Variants in NKAIN3 observed in about 807,000 individuals in gnomAD.
The protein encoded by NKAIN3 is sodium/potassium-transporting ATPase subunit beta-1-interacting protein 3.
Under a neutral mutation model 30.2 loss-of-function variants are expected in NKAIN3, and 25 were observed. The observed-to-expected ratio is 0.83, with a 90% CI of 0.60 to 1.16. The LOEUF (loss-of-function observed/expected upper bound fraction) is 1.16, where lower values mean the gene tolerates loss of function less well. Among genes scored for constraint, NKAIN3 ranks in the 50% most tolerant of loss-of-function variants. The pLI is 0.00. For missense variants in NKAIN3, 225 were observed against 254.1 expected, an observed-to-expected ratio of 0.89 and a Z score of 0.78; for synonymous variants, 91 against 89.6, an observed-to-expected ratio of 1.02 and a Z score of -0.09.
At chr8:62,529,154 A>G (rs945209959) in intron 1 of NKAIN3, among the ~76,000 whole-genome samples, 6 of 152,154 alleles carry the variant, frequency 3.9e-5, no homozygotes, top group African/African-American at 2.4e-5. Flanking sequence ...TCCTCTTCCC[A>G]TAATTCAACC....
At chr8:62,386,614 T>G (rs1817432025) in intron 1 of NKAIN3, among the ~76,000 whole-genome samples, 2 of 152,182 alleles carry the variant, frequency 1.3e-5, no homozygotes, top group South Asian at 4.1e-4. Flanking sequence ...CAAATCTTGC[T>G]TTACAACCTA....
rs1480791921 is a variant in NKAIN3 at position 62,579,577 on chromosome 8, T to C, written c.93T>C (p.Gly31=). ...AGAGGCAGATCTTTGACTTCCTTGG[T>C]TTCCAGTGGGCGCCTATTCTTGGAA... is the stretch of plus-strand genomic sequence containing the variant. The part of the protein sequence containing the change: ...ALERQIFDFL[G]FQWAPILGNF... Residue 31 remains glycine (G), a synonymous_variant, in exon 2 of 7, where the codon GGT becomes GGC. Coordinates refer to ENST00000623646, the MANE Select transcript of NKAIN3 (RefSeq NM_001304533.3). 5 of 1,610,902 alleles carry C rather than the reference T, an allele frequency of 3.1e-6. No homozygotes were observed. Among genetic ancestry groups the C allele is most frequent in the Non-Finnish European group, 4.2e-6 (5 of 1,178,324 alleles).
At chr8:62,752,216 G>C (rs2130596930) in intron 4 of NKAIN3, among the ~76,000 whole-genome samples, 1 of 152,258 alleles carries the variant, frequency 6.6e-6, no homozygotes, top group South Asian at 2.1e-4. Flanking sequence ...TCAGTAAAAT[G>C]TTCTGTGCAG....
chr8:62,612,397 C>T (rs1811323444), intron 3 of NKAIN3, among the ~76,000 whole-genome samples: 1 of 151,870 alleles, frequency 6.6e-6, no homozygotes, highest in Non-Finnish European at 1.5e-5. Flanking sequence ...TAGTTTTTGT[C>T]TTGAAATATA....
chr8:62,397,262 TAAAAA>T (rs5891852), intron 1 of NKAIN3, among the ~76,000 whole-genome samples: 1 of 149,936 alleles, frequency 6.7e-6, no homozygotes, highest in African/African-American at 2.5e-5. Context: ...TCTTTTTCCT[TAAAAA>T]AAAAAGCACA....
intron 3 of NKAIN3, among the ~76,000 whole-genome samples, chr8:62,658,286 A>G (rs1812826717): frequency 6.6e-6 from 1 of 152,188 alleles, no homozygotes; most frequent in Non-Finnish European, 1.5e-5. Context: ...CTGTCAGTTA[A>G]GAGGCAGACA....
chr8:62,531,976 C>G lies in NKAIN3; in HGVS notation c.55-47563C>G, dbSNP rs148046804. On this transcript the variant is annotated intron_variant, in intron 1 of 6. Transcript: ENST00000623646. Reference sequence around the variant, plus strand: ...TCAGATGACAGTAATAAAGAAAGGACTTAATACACCTTACTCCAGCATGTC... The same window carrying G: ...TCAGATGACAGTAATAAAGAAAGGAGTTAATACACCTTACTCCAGCATGTC... Among the ~76,000 whole-genome samples, 104 of 152,268 alleles carry G rather than the reference C, an allele frequency of 6.8e-4. 2 individuals carry two copies. In the East Asian group the frequency reaches 0.019, roughly 28 times the overall value.
chr8:62,611,375 A>G (rs189054954), intron 3 of NKAIN3, among the ~76,000 whole-genome samples: 8 of 152,294 alleles, frequency 5.3e-5, no homozygotes, highest in Non-Finnish European at 1.0e-4. Context: ...CTATTGTGCT[A>G]TCAAGTACTA....
At chr8:62,952,490 G>T (rs968294416) in intron 5 of NKAIN3, among the ~76,000 whole-genome samples, 5 of 152,124 alleles carry the variant, frequency 3.3e-5, no homozygotes, top group African/African-American at 4.8e-5. Flanking sequence ...ATGAAAGAAT[G>T]TACATTTTCT....
At chr8:62,575,574 A>G (rs1322520300) in intron 1 of NKAIN3, among the ~76,000 whole-genome samples, 1 of 152,134 alleles carries the variant, frequency 6.6e-6, no homozygotes. Flanking sequence ...GCTCTCTACC[A>G]AAATACCAAT....
At chr8:62,801,703 G>A (rs1018797053) in intron 4 of NKAIN3, among the ~76,000 whole-genome samples, 2 of 152,214 alleles carry the variant, frequency 1.3e-5, no homozygotes, top group Non-Finnish European at 2.9e-5. Flanking sequence ...ACTCTAAAGA[G>A]CAGAGCGCCT....
At chr8:62,725,624 T>A (rs143197522) in intron 3 of NKAIN3, among the ~76,000 whole-genome samples, 3,181 of 152,256 alleles carry the variant, frequency 0.021, 52 homozygotes, top group Middle Eastern at 0.065. Context: ...TTCTCCAATA[T>A]ATGTTCTTTG....
intron 4 of NKAIN3, among the ~76,000 whole-genome samples, chr8:62,786,438 G>A (rs1487942773): frequency 6.6e-6 from 1 of 151,912 alleles, no homozygotes; most frequent in Admixed American, 6.6e-5. Context: ...TACTCCTAAG[G>A]GATTGCCACC....
At position 62,978,777 on chromosome 8, in the gene NKAIN3, A is replaced by G. The variant is rs7015120; in HGVS notation, c.*13370A>G. 16,344 of 153,070 alleles carry G rather than the reference A, an allele frequency of 0.11. 924 individuals are homozygous for G. Among genetic ancestry groups the G allele is most frequent in the South Asian group, 0.17 (821 of 4,828 alleles). The allele number at this position is 153,070 out of a possible 1,614,324, so 9.5% of individuals were successfully genotyped here. A position where few individuals can be genotyped will look rare whatever the true frequency, so the allele number is the denominator to read the frequency against. On this transcript the variant is annotated 3_prime_UTR_variant, in exon 7 of 7. Coordinates refer to ENST00000623646, the MANE Select transcript of NKAIN3 (RefSeq NM_001304533.3). The stretch of plus-strand genomic sequence containing the variant: ...ACTCTGGGGTACGAAAAAAACTCCT[A>G]CAGCTAGCTCAGTGTCTGCCCAAAT...
At chr8:62,992,301 C>G (rs543101411) in intron 5 of NKAIN3, among the ~76,000 whole-genome samples, 2 of 152,108 alleles carry the variant, frequency 1.3e-5, no homozygotes, top group Admixed American at 6.5e-5. Context: ...CATGAGCCAC[C>G]ACTCCCAACC....
intron 4 of NKAIN3, among the ~76,000 whole-genome samples, chr8:62,866,952 G>A (rs985064824): frequency 6.6e-6 from 1 of 151,400 alleles, no homozygotes; most frequent in Non-Finnish European, 1.5e-5. Flanking sequence ...CTACTCTGGA[G>A]GCTGAGGCAG....
chr8:62,834,708 C>A (rs1165757547), intron 4 of NKAIN3, among the ~76,000 whole-genome samples: 1 of 151,994 alleles, frequency 6.6e-6, no homozygotes, highest in Admixed American at 6.6e-5. Flanking sequence ...GAAAAACATT[C>A]CATGCTCATG....
intron 4 of NKAIN3, among the ~76,000 whole-genome samples, chr8:62,756,973 T>A (rs1489315527): frequency 6.6e-6 from 1 of 152,180 alleles, no homozygotes; most frequent in African/African-American, 2.4e-5. Context: ...CAAATATTGA[T>A]TATTAAATGC....
At chr8:62,298,268 C>T (rs1429502641) in intron 1 of NKAIN3, among the ~76,000 whole-genome samples, 1 of 152,096 alleles carries the variant, frequency 6.6e-6, no homozygotes, top group East Asian at 1.9e-4. Flanking sequence ...CACATGTATA[C>T]ATATGTAACA....
Sources: allele counts gnomAD v4.1 joint callset (sites outside exome capture counted in the v4.1 genomes callset), GRCh38; gene constraint gnomAD v4.1.1; transcripts MANE v1.5; gene names NCBI Gene and HGNC (gene_info 2026-07-23, HGNC 2026-07-21).